AFF2: variants seen among roughly 807,000 people sequenced by gnomAD.
AFF2 encodes AF4/FMR2 family member 2.
AFF2 carries 14 observed loss-of-function variants against 76.9 expected under a neutral mutation model. The ratio of observed to expected loss-of-function variants is 0.18; its 90% CI spans 0.12 to 0.28. The LOEUF (loss-of-function observed/expected upper bound fraction) is 0.28, where lower values mean the gene tolerates loss of function less well. Ranked by LOEUF, AFF2 falls within the 10% of genes least tolerant of loss-of-function variation. AFF2 has a pLI of 1.00. For synonymous variants in AFF2, 398 were observed against 366.7 expected, an observed-to-expected ratio of 1.09 and a Z score of -0.98; for missense variants, 868 against 1,001.1, an observed-to-expected ratio of 0.87 and a Z score of 1.79.
At chrX:148,968,117 G>C in intron 15 of AFF2, among the ~76,000 whole-genome samples, 1 of 111,305 alleles carries the variant, frequency 9.0e-6, no homozygotes, top group East Asian at 2.8e-4. Context: ...AACTAGGCCT[G>C]AGGAAAAACT....
intron 3 of AFF2, among the ~76,000 whole-genome samples, chrX:148,699,237 G>T (rs1557261596): frequency 8.9e-6 from 1 of 111,981 alleles, no homozygotes; most frequent in African/African-American, 3.3e-5. Flanking sequence ...GATAAAGCAA[G>T]TGAGTGTGTT....
rs1006080253 is a variant in AFF2, at chrX:148,996,576, C to G, written c.*5244C>G. ...ACACACACAGACACACACACACAAACTCACCCTTACACACACACTTCGATG... is the reference window on the plus strand; with the variant it reads ...ACACACACAGACACACACACACAAAGTCACCCTTACACACACACTTCGATG... On this transcript the variant is annotated 3_prime_UTR_variant, in exon 21 of 21. Coordinates refer to ENST00000370460, the MANE Select transcript of AFF2 (RefSeq NM_002025.4). The G allele has an allele frequency of 2.7e-5, 3 of 112,392 alleles. No individual in the cohort carries two copies. The highest frequency in any genetic ancestry group is 5.6e-5 in the Non-Finnish European group (3 of 53,318). The allele number at this position is 112,392 out of a possible 1,213,427, so 9.3% of individuals were successfully genotyped here.
At chrX:148,949,490 A>C (rs2071940388) in intron 9 of AFF2, among the ~76,000 whole-genome samples, 1 of 112,028 alleles carries the variant, frequency 8.9e-6, no homozygotes, top group Non-Finnish European at 1.9e-5. Flanking sequence ...CTCTGCCCCC[A>C]GTCTGGCCTA....
At chrX:148,875,985 A>G (rs1471693586) in intron 7 of AFF2, among the ~76,000 whole-genome samples, 2 of 112,090 alleles carry the variant, frequency 1.8e-5, no homozygotes, top group Non-Finnish European at 3.8e-5. Context: ...TCATTATTAA[A>G]AACATGATCT....
In AFF2 at chrX:148,996,387, C is replaced by G. The variant is rs1404211876; in HGVS notation, c.*5055C>G. The G allele has an allele frequency of 8.9e-6, 1 of 112,888 alleles. No individual in the cohort carries two copies. Among genetic ancestry groups the G allele is most frequent in the East Asian group, 2.8e-4 (1 of 3,607 alleles). 9.3% of individuals were successfully genotyped at this position (112,888 alleles called of 1,213,427 possible). On this transcript the variant is annotated 3_prime_UTR_variant, in exon 21 of 21. Transcript: ENST00000370460. ...TTTGCCAATTTCCATGGCATAAATA[C>G]TACCACTTTAGATGATTTTAAGCTA...
chrX:148,672,505 G>A (rs1557259179), intron 3 of AFF2, among the ~76,000 whole-genome samples: 1 of 111,873 alleles, frequency 8.9e-6, no homozygotes, highest in Non-Finnish European at 1.9e-5. Context: ...GGTGTATGGT[G>A]TGCTACTGTA....
chrX:148,825,342 G>A (rs1331049243), intron 4 of AFF2, among the ~76,000 whole-genome samples: 1 of 111,446 alleles, frequency 9.0e-6, no homozygotes, highest in Non-Finnish European at 1.9e-5. Context: ...ATTATTGAGT[G>A]GATTAAATAT....
chrX:148,922,162 T>C (rs1324112660), intron 9 of AFF2, among the ~76,000 whole-genome samples: 1 of 111,903 alleles, frequency 8.9e-6, no homozygotes, highest in Non-Finnish European at 1.9e-5. Context: ...TTTTTCAGCA[T>C]ATTTTAATTT....
intron 3 of AFF2, among the ~76,000 whole-genome samples, chrX:148,694,175 C>CGGGGGGGGGTGGGGGGGG (rs2054686420): frequency 8.2e-5 from 6 of 72,851 alleles, no homozygotes; most frequent in African/African-American, 1.1e-4. Context: ...GTTGTGGGGT[C>CGGGGGGGGGTGGGGGGGG]GGGGGGGGGG....
chrX:148,575,006 G>C (rs1477442530), intron 1 of AFF2, among the ~76,000 whole-genome samples: 1 of 107,863 alleles, frequency 9.3e-6, no homozygotes, highest in Non-Finnish European at 1.9e-5. Flanking sequence ...CTGAGCACTG[G>C]ACACTGTGCC....
At chrX:148,553,482 A>T (rs2053017514) in intron 1 of AFF2, among the ~76,000 whole-genome samples, 1 of 112,099 alleles carries the variant, frequency 8.9e-6, no homozygotes, top group African/African-American at 3.2e-5. Context: ...TTTCATTCAG[A>T]TGCCAATATT....
At chrX:148,896,385 A>G (rs782658770) in intron 8 of AFF2, among the ~76,000 whole-genome samples, 11 of 111,819 alleles carry the variant, frequency 9.8e-5, no homozygotes, top group Non-Finnish European at 1.9e-4. Flanking sequence ...ACGTAGTTTC[A>G]CAACTGTTAC....
intron 3 of AFF2, among the ~76,000 whole-genome samples, chrX:148,725,381 G>C (rs1433484203): frequency 9.0e-6 from 1 of 110,883 alleles, no homozygotes. Context: ...TGGAAGATCA[G>C]GTACTCTAAT....
intron 3 of AFF2, among the ~76,000 whole-genome samples, chrX:148,728,148 C>T (rs1042083864): frequency 1.8e-5 from 2 of 112,439 alleles, no homozygotes; most frequent in African/African-American, 3.2e-5. Context: ...GCTGCCACAG[C>T]GTCATCGGGT....
At chrX:148,835,951 C>T (rs781848467) in intron 4 of AFF2, among the ~76,000 whole-genome samples, 1 of 111,735 alleles carries the variant, frequency 8.9e-6, no homozygotes, top group African/African-American at 3.2e-5. Context: ...TCCCCCATCC[C>T]AAGCTATATA....
At chrX:148,516,474 A>T (rs1311819830) in intron 1 of AFF2, among the ~76,000 whole-genome samples, 2 of 111,897 alleles carry the variant, frequency 1.8e-5, no homozygotes, top group Non-Finnish European at 3.8e-5. Flanking sequence ...TTGAAGCCTG[A>T]TGCTTCCTGT....
chrX:148,926,980 C>T (rs2071657923), intron 9 of AFF2, among the ~76,000 whole-genome samples: 1 of 112,035 alleles, frequency 8.9e-6, no homozygotes, highest in Non-Finnish European at 1.9e-5. Flanking sequence ...TTCAGATTTT[C>T]CAACCCTGAG....
At chrX:148,986,751 T>C (rs1422489192) in intron 19 of AFF2, among the ~76,000 whole-genome samples, 1 of 113,298 alleles carries the variant, frequency 8.8e-6, no homozygotes, top group Non-Finnish European at 1.9e-5. Flanking sequence ...TAGACCAATA[T>C]TGGACATCAA....
At chrX:148,875,956 A>G (rs1460712957) in intron 7 of AFF2, among the ~76,000 whole-genome samples, 3 of 112,015 alleles carry the variant, frequency 2.7e-5, no homozygotes, top group African/African-American at 9.7e-5. Flanking sequence ...AAGTTGATAT[A>G]GTAATATTAA....
Sources: allele counts gnomAD v4.1 joint callset (sites outside exome capture counted in the v4.1 genomes callset), GRCh38; gene constraint gnomAD v4.1.1; transcripts MANE v1.5; gene names NCBI Gene and HGNC (gene_info 2026-07-23, HGNC 2026-07-21).